The following NR2F1-AS1 variants were observed in gnomAD, a reference collection of about 807,000 sequenced individuals.
NR2F1-AS1 encodes the protein NR2F1 regulatory antisense RNA 1.
intron 1 of NR2F1-AS1, among the ~76,000 whole-genome samples, chr5:93,566,626 A>AT (rs1333613007): frequency 1.3e-5 from 2 of 149,646 alleles, no homozygotes; most frequent in Admixed American, 6.6e-5. Context: ...CTACAGAGGA[A>AT]TTTTTTTTAA....
chr5:93,428,787 C>T (rs931588004), intron 4 of NR2F1-AS1, among the ~76,000 whole-genome samples: 1 of 152,136 alleles, frequency 6.6e-6, no homozygotes, highest in African/African-American at 2.4e-5. Flanking sequence ...CCTATACTTG[C>T]ATTGAAGTAC....
At chr5:93,499,062 C>G (rs1751022619) in intron 4 of NR2F1-AS1, among the ~76,000 whole-genome samples, 2 of 152,062 alleles carry the variant, frequency 1.3e-5, no homozygotes, top group Admixed American at 6.6e-5. Context: ...TTCAGAATAA[C>G]TGAATAATAC....
intron 4 of NR2F1-AS1, chr5:93,410,940 A>G (rs1748841720): frequency 6.6e-6 from 1 of 152,202 alleles, no homozygotes; most frequent in Non-Finnish European, 1.5e-5. Flanking sequence ...AAAGGATTAA[A>G]ATGTCCTGAG....
chr5:93,430,517 G>A (rs867470307), intron 4 of NR2F1-AS1, among the ~76,000 whole-genome samples: 2 of 152,118 alleles, frequency 1.3e-5, no homozygotes, highest in Non-Finnish European at 2.9e-5. Context: ...GAATGTGTAT[G>A]TCGATATATA....
At chr5:93,496,761 T>C (rs1414576517) in intron 4 of NR2F1-AS1, among the ~76,000 whole-genome samples, 1 of 152,204 alleles carries the variant, frequency 6.6e-6, no homozygotes. Context: ...TCATATTTGG[T>C]ATCTCAAAGC....
intron 4 of NR2F1-AS1, among the ~76,000 whole-genome samples, chr5:93,426,194 C>T (rs1749191803): frequency 6.6e-6 from 1 of 150,530 alleles, no homozygotes; most frequent in South Asian, 2.1e-4. Context: ...ATTACAGGCA[C>T]AAACCACCAT....
At chr5:93,534,814 C>T (rs1751806415) in intron 4 of NR2F1-AS1, among the ~76,000 whole-genome samples, 1 of 152,128 alleles carries the variant, frequency 6.6e-6, no homozygotes, top group Admixed American at 6.5e-5. Context: ...CTCCTATGAA[C>T]ATTTTTAAAG....
At chr5:93,426,573 C>T (rs561625623) in intron 4 of NR2F1-AS1, among the ~76,000 whole-genome samples, 1 of 152,282 alleles carries the variant, frequency 6.6e-6, no homozygotes, top group East Asian at 1.9e-4. Context: ...CATATCTCTG[C>T]ACTACTTTTT....
At position 93,549,447 on chromosome 5, in the gene NR2F1-AS1, A is replaced by G. The variant is rs571136237; in HGVS notation, n.638+4314T>C. On this transcript the variant is annotated intron_variant and non_coding_transcript_variant, in intron 4 of 5. Coordinates refer to ENST00000660523, the Ensembl canonical transcript of NR2F1-AS1. ...GAGGTACTAATTACTCTGCTTTTAC[A>G]TGGGGGTAAGTAAAGCAGTACAATT... Among the ~76,000 whole-genome samples the G allele has an allele frequency of 2.6e-5, 4 of 152,316 alleles. No individual in the cohort carries two copies. In the South Asian group the frequency reaches 8.3e-4, roughly 32 times the overall value.
chr5:93,503,792 C>T (rs918732706), intron 4 of NR2F1-AS1, among the ~76,000 whole-genome samples: 4 of 152,188 alleles, frequency 2.6e-5, no homozygotes, highest in Non-Finnish European at 2.9e-5. Context: ...TCCTGTGTGA[C>T]TCCATGAGCA....
intron 4 of NR2F1-AS1, among the ~76,000 whole-genome samples, chr5:93,466,936 T>G (rs1433405968): frequency 2.3e-5 from 3 of 130,390 alleles, no homozygotes; most frequent in Non-Finnish European, 4.8e-5. Context: ...AGTCTCACTG[T>G]GGTGCCCAGG....
At chr5:93,532,193 T>G (rs923063682) in intron 4 of NR2F1-AS1, among the ~76,000 whole-genome samples, 1 of 152,292 alleles carries the variant, frequency 6.6e-6, no homozygotes, top group Middle Eastern at 3.4e-3. Flanking sequence ...TTAATGTTCT[T>G]CGTTATTTTA....
At chr5:93,479,597 A>T (rs965699791) in intron 4 of NR2F1-AS1, among the ~76,000 whole-genome samples, 3 of 152,218 alleles carry the variant, frequency 2.0e-5, no homozygotes, top group Non-Finnish European at 4.4e-5. Flanking sequence ...CGGTATTCAA[A>T]ATGTCCAGTT....
At chr5:93,534,405 T>C (rs1234446141) in intron 4 of NR2F1-AS1, among the ~76,000 whole-genome samples, 2 of 152,168 alleles carry the variant, frequency 1.3e-5, no homozygotes, top group Admixed American at 6.5e-5. Context: ...ACTCAGATCT[T>C]TTCTAAGATG....
intron 4 of NR2F1-AS1, among the ~76,000 whole-genome samples, chr5:93,474,157 C>A (rs1256339139): frequency 6.6e-6 from 1 of 152,036 alleles, no homozygotes; most frequent in Non-Finnish European, 1.5e-5. Context: ...TTTTCAGGCA[C>A]TTTGTATACA....
At chr5:93,421,394 C>T (rs1024910190) in intron 4 of NR2F1-AS1, among the ~76,000 whole-genome samples, 4 of 151,500 alleles carry the variant, frequency 2.6e-5, no homozygotes, top group Non-Finnish European at 5.9e-5. Context: ...GGAAAAGCTT[C>T]GTATTTTTCA....
At chr5:93,450,336 A>G (rs1749799962) in intron 4 of NR2F1-AS1, among the ~76,000 whole-genome samples, 1 of 152,132 alleles carries the variant, frequency 6.6e-6, no homozygotes, top group African/African-American at 2.4e-5. Context: ...ATTTTATAAG[A>G]GTTTAGTTGT....
intron 4 of NR2F1-AS1, among the ~76,000 whole-genome samples, chr5:93,429,491 T>G (rs1262331861): frequency 6.6e-6 from 1 of 152,198 alleles, no homozygotes; most frequent in Non-Finnish European, 1.5e-5. Flanking sequence ...AGAAGTGCTC[T>G]TCTAGTTGAA....
chr5:93,512,855 C>CTA (rs1369902235), intron 4 of NR2F1-AS1, among the ~76,000 whole-genome samples: 1 of 152,162 alleles, frequency 6.6e-6, no homozygotes. Context: ...GTGTAGTAGG[C>CTA]TATACCATGT....
Sources: allele counts gnomAD v4.1 joint callset (sites outside exome capture counted in the v4.1 genomes callset), GRCh38; gene constraint gnomAD v4.1.1; transcripts MANE v1.5; gene names NCBI Gene and HGNC (gene_info 2026-07-23, HGNC 2026-07-21).